The following PLXNA4 variants were observed in gnomAD, a reference collection of about 807,000 sequenced individuals.
PLXNA4 encodes the protein plexin A4, also known as plexin-A4.
A neutral mutation model predicts 191.8 loss-of-function variants in PLXNA4; 44 were observed. The ratio of observed to expected loss-of-function variants is 0.23; its 90% CI spans 0.18 to 0.29. The LOEUF is 0.29. Among genes scored for constraint, PLXNA4 ranks in the 10% least tolerant of loss-of-function variants. The probability of loss-of-function intolerance (pLI) is 1.00; values close to 1 mark genes in which losing one functional copy is unlikely to be tolerated. For missense variants in PLXNA4, 1,800 were observed against 2,488.8 expected, an observed-to-expected ratio of 0.72 and a Z score of 5.89; for synonymous variants, 1,082 against 1,009.5, an observed-to-expected ratio of 1.07 and a Z score of -1.36.
chr7:132,140,250 G>T (rs1380829259), intron 30 of PLXNA4, among the ~76,000 whole-genome samples: 4 of 152,212 alleles, frequency 2.6e-5, no homozygotes, highest in Non-Finnish European at 4.4e-5. Context: ...CCCTTGAAGT[G>T]TTATGATGAC....
At chr7:132,624,640 A>C (rs1002483306) in intron 2 of PLXNA4, among the ~76,000 whole-genome samples, 17 of 152,112 alleles carry the variant, frequency 1.1e-4, no homozygotes, top group Admixed American at 2.0e-4. Flanking sequence ...GAGCTTGAAA[A>C]CTACAGTTCC....
intron 3 of PLXNA4, among the ~76,000 whole-genome samples, chr7:132,468,892 G>A (rs1203810827): frequency 6.6e-6 from 1 of 152,000 alleles, no homozygotes; most frequent in Admixed American, 6.6e-5. Context: ...TAGAAGTCTG[G>A]GGTGAGCGTC....
At chr7:132,213,347 A>C (rs1797863412) in intron 9 of PLXNA4, among the ~76,000 whole-genome samples, 1 of 152,238 alleles carries the variant, frequency 6.6e-6, no homozygotes, top group African/African-American at 2.4e-5. Context: ...CTATATCCTT[A>C]AAACCGGTTC....
intron 21 of PLXNA4, among the ~76,000 whole-genome samples, chr7:132,172,195 C>G (rs1172510489): frequency 6.6e-6 from 1 of 152,206 alleles, no homozygotes; most frequent in African/African-American, 2.4e-5. Flanking sequence ...CCAGATGGTT[C>G]TCTAATTTAG....
intron 20 of PLXNA4, among the ~76,000 whole-genome samples, chr7:132,178,194 C>A (rs1796540335): frequency 6.6e-6 from 1 of 152,150 alleles, no homozygotes; most frequent in Non-Finnish European, 1.5e-5. Context: ...AGGAAGAAAG[C>A]TGGAGATTGC....
At chr7:132,561,750 T>C (rs1315069625) in intron 1 of PLXNA4, among the ~76,000 whole-genome samples, 3 of 136,122 alleles carry the variant, frequency 2.2e-5, no homozygotes, top group Non-Finnish European at 4.7e-5. Flanking sequence ...CTCCTTCTTC[T>C]CCTCCTCCTC....
At chr7:132,376,875 G>C (rs191549475) in intron 3 of PLXNA4, among the ~76,000 whole-genome samples, 1 of 152,140 alleles carries the variant, frequency 6.6e-6, no homozygotes, top group Non-Finnish European at 1.5e-5. Context: ...GTCAACCTTC[G>C]GTGCCAGGCA....
Position 132,424,973 on chromosome 7 carries a change from G to A in PLXNA4, c.1371+64319C>T, listed in dbSNP as rs113377354. ...GTGTCAGCATCACGGCACCTGGGTG[G>A]GTGAGCCGCTCACTGCCCCGCCCTA... On this transcript the variant is annotated intron_variant, in intron 3 of 31. Coordinates refer to ENST00000321063, the MANE Select transcript of PLXNA4 (RefSeq NM_020911.2). Among the ~76,000 whole-genome samples, 349 of 152,244 alleles carry A rather than the reference G, an allele frequency of 2.3e-3. 1 individual carries two copies. Among genetic ancestry groups the A allele is most frequent in the Non-Finnish European group, 2.9e-3 (198 of 68,022 alleles).
chr7:132,565,836 A>G (rs1314885748), intron 1 of PLXNA4, among the ~76,000 whole-genome samples: 2 of 152,232 alleles, frequency 1.3e-5, no homozygotes, highest in African/African-American at 4.8e-5. Flanking sequence ...GCTGGGAATC[A>G]ATACAAGCTG....
At chr7:132,388,647 G>T (rs1433158971) in intron 3 of PLXNA4, among the ~76,000 whole-genome samples, 3 of 152,196 alleles carry the variant, frequency 2.0e-5, no homozygotes, top group Non-Finnish European at 4.4e-5. Context: ...AAGTACGTAT[G>T]AAGAGTTTCA....
intron 3 of PLXNA4, among the ~76,000 whole-genome samples, chr7:132,474,579 C>T (rs73442730): frequency 0.03 from 4,589 of 151,966 alleles, 147 homozygotes; most frequent in African/African-American, 0.08. Flanking sequence ...ACTTTCTTCA[C>T]TGGGGTCTCC....
At position 132,493,747 on chromosome 7, in the gene PLXNA4, GTGGATGGATGGATGGA is replaced by G. The variant is rs369999925; in HGVS notation, c.1189-4289_1189-4274del. On this transcript the variant is annotated intron_variant, in intron 2 of 31. Coordinates refer to ENST00000321063, the MANE Select transcript of PLXNA4 (RefSeq NM_020911.2). ...GGTGGATGGGTGGATGGGTGGATGG[GTGGATGGATGGATGGA>G]TGGATGGATGGATGGATGGATGGAT... Among the ~76,000 whole-genome samples the G allele has an allele frequency of 8.1e-3, 1,181 of 146,516 alleles. 6 individuals are homozygous for G. The highest frequency in any genetic ancestry group is 0.011 in the Admixed American group (156 of 14,822).
chr7:132,436,593 T>C (rs1017715551), intron 3 of PLXNA4, among the ~76,000 whole-genome samples: 1 of 152,230 alleles, frequency 6.6e-6, no homozygotes, highest in Non-Finnish European at 1.5e-5. Context: ...TTTCCAATCG[T>C]TGGAGAAATG....
At chr7:132,490,269 C>T (rs1439523196) in intron 2 of PLXNA4, among the ~76,000 whole-genome samples, 1 of 152,158 alleles carries the variant, frequency 6.6e-6, no homozygotes, top group African/African-American at 2.4e-5. Context: ...GATAAAAGGG[C>T]TCTGCAGGCA....
intron 3 of PLXNA4, among the ~76,000 whole-genome samples, chr7:132,329,621 C>T (rs1802512390): frequency 6.6e-6 from 1 of 152,190 alleles, no homozygotes; most frequent in Non-Finnish European, 1.5e-5. Context: ...CCTCCAGCTC[C>T]TTTGGATTTT....
Position 132,241,091 on chromosome 7 carries a change from A to G in PLXNA4, c.1579T>C (p.Cys527Arg). 1 of 1,613,218 alleles carries G rather than the reference A, an allele frequency of 6.2e-7. No homozygotes were observed. The highest frequency in any genetic ancestry group is 8.5e-7 in the Non-Finnish European group (1 of 1,179,372). ...GTGTTGTGCAGCACACACCAGCCACAGTGGGGGTCGCCTGAGCCAAGGCAC... is the reference window on the plus strand; with the variant it reads ...GTGTTGTGCAGCACACACCAGCCACGGTGGGGGTCGCCTGAGCCAAGGCAC... ...GECLGSGDPH[C>R]GWCVLHNTCT... The change falls in exon 5 of 32, where the codon TGT becomes CGT. Residue 527 changes from cysteine to arginine, a missense_variant. Physicochemically the swap from Cys to Arg is radical, Grantham distance 180 (BLOSUM62 -3). Around this residue, in one of 6 missense-constraint regions of PLXNA4, gnomAD observed 1,397 missense variants for 1,880.4 expected, o/e 0.74. Coordinates refer to ENST00000321063, the MANE Select transcript of PLXNA4 (RefSeq NM_020911.2).
At chr7:132,575,416 C>T (rs915013621) in intron 1 of PLXNA4, among the ~76,000 whole-genome samples, 2 of 152,128 alleles carry the variant, frequency 1.3e-5, no homozygotes, top group African/African-American at 2.4e-5. Flanking sequence ...TGGGCAGTGC[C>T]GCCACGGTCG....
At chr7:132,607,202 G>A (rs1802943217) in intron 2 of PLXNA4, among the ~76,000 whole-genome samples, 1 of 152,096 alleles carries the variant, frequency 6.6e-6, no homozygotes, top group Non-Finnish European at 1.5e-5. Flanking sequence ...CCAGTTCCCA[G>A]AGGCTGACCT....
chr7:132,571,383 G>A (rs77142680), intron 1 of PLXNA4, among the ~76,000 whole-genome samples: 10,263 of 152,208 alleles, frequency 0.067, 478 homozygotes, highest in Non-Finnish European at 0.1. Flanking sequence ...GACATGGTCC[G>A]TTGGCACCAA....
Sources: gnomAD v4.1 joint callset for allele counts (sites outside exome capture counted in the v4.1 genomes callset) on GRCh38, gnomAD v4.1.1 for gene constraint, gnomAD v4.1.1 regional missense constraint, MANE v1.5 for transcripts, NCBI Gene and HGNC (gene_info 2026-07-23, HGNC 2026-07-21) for gene names.